Variants in EVI5 observed in about 807,000 individuals in gnomAD.
The protein encoded by EVI5 is ecotropic viral integration site 5, also known as ecotropic viral integration site 5 protein homolog.
EVI5 carries 73 observed loss-of-function variants against 112.0 expected under a neutral mutation model. The observed-to-expected ratio is 0.65, with a 90% CI of 0.54 to 0.79. The LOEUF (loss-of-function observed/expected upper bound fraction) is 0.79, where lower values mean the gene tolerates loss of function less well. Among genes scored for constraint, EVI5 ranks in the 30% least tolerant of loss-of-function variants. EVI5 has a pLI of 0.00. For synonymous variants in EVI5, 305 were observed against 319.9 expected (o/e 0.95, Z 0.50); for missense variants, 900 against 968.8 (o/e 0.93, Z 0.94).
intron 18 of EVI5, among the ~76,000 whole-genome samples, chr1:92,602,432 G>A (rs1649379460): frequency 6.6e-6 from 1 of 152,082 alleles, no homozygotes; most frequent in Admixed American, 6.6e-5. Flanking sequence ...GTCTCATTCT[G>A]TCACTCAGAT....
chr1:92,578,950 T>C (rs534821708), intron 18 of EVI5, among the ~76,000 whole-genome samples: 9 of 152,260 alleles, frequency 5.9e-5, no homozygotes, highest in African/African-American at 2.2e-4. Flanking sequence ...TGGGCTCAAG[T>C]GATCCTCCTG....
At chr1:92,574,250 G>C (rs1670710673) in intron 18 of EVI5, among the ~76,000 whole-genome samples, 1 of 152,126 alleles carries the variant, frequency 6.6e-6, no homozygotes, top group South Asian at 2.1e-4. Context: ...TATTCTGTTT[G>C]TTGAAAAATC....
intron 19 of EVI5, among the ~76,000 whole-genome samples, chr1:92,561,421 A>C (rs2100871439): frequency 6.6e-6 from 1 of 152,286 alleles, no homozygotes; most frequent in Non-Finnish European, 1.5e-5. Flanking sequence ...TAACAGTAGA[A>C]AATTCTACTC....
intron 2 of EVI5, among the ~76,000 whole-genome samples, chr1:92,717,961 A>G (rs1002247439): frequency 6.6e-6 from 1 of 152,212 alleles, no homozygotes; most frequent in African/African-American, 2.4e-5. Context: ...AGGCCACTAC[A>G]TAATGGTAAA....
chr1:92,586,458 T>C (rs1014381385), intron 18 of EVI5, among the ~76,000 whole-genome samples: 2 of 152,204 alleles, frequency 1.3e-5, no homozygotes, highest in Non-Finnish European at 1.5e-5. Context: ...TGGGTTATTA[T>C]ACTTTGGCTT....
intron 19 of EVI5, 152 bp from the exon 20 acceptor site, chr1:92,514,122 T>C: frequency 2.7e-6 from 1 of 365,922 alleles, no homozygotes; most frequent in Non-Finnish European, 4.4e-6. Flanking sequence ...GCCTTCTATG[T>C]GTTATATATA....
intron 14 of EVI5, among the ~76,000 whole-genome samples, chr1:92,632,496 T>C (rs567795910): frequency 8.1e-4 from 124 of 152,320 alleles, no homozygotes; most frequent in African/African-American, 2.7e-3. Flanking sequence ...TGATGGTAGT[T>C]TGTATTTCTG....
At chr1:92,641,077 G>T (rs971082714) in intron 13 of EVI5, among the ~76,000 whole-genome samples, 6 of 152,104 alleles carry the variant, frequency 3.9e-5, no homozygotes, top group Non-Finnish European at 7.4e-5. Context: ...TGGGGGTTGA[G>T]GGAGAAGAGG....
chr1:92,752,015 T>TA (rs1301477676), intron 1 of EVI5, among the ~76,000 whole-genome samples: 2 of 152,010 alleles, frequency 1.3e-5, no homozygotes, highest in Non-Finnish European at 2.9e-5. Flanking sequence ...CACCCTGTCT[T>TA]AAAAAAATAA....
intron 19 of EVI5, among the ~76,000 whole-genome samples, chr1:92,521,841 T>C (rs1049554429): frequency 2.8e-4 from 43 of 152,174 alleles, no homozygotes; most frequent in African/African-American, 7.5e-4. Flanking sequence ...AAAATGGTCT[T>C]CCATATAATT....
At chr1:92,669,204 ATTC>A (rs1665423823) in intron 10 of EVI5, among the ~76,000 whole-genome samples, 2 of 152,172 alleles carry the variant, frequency 1.3e-5, no homozygotes, top group Non-Finnish European at 1.5e-5. Context: ...TTTTAGAATT[ATTC>A]TTAAGATTTT....
chr1:92,671,634 C>T (rs1665893784), intron 10 of EVI5, among the ~76,000 whole-genome samples: 1 of 152,090 alleles, frequency 6.6e-6, no homozygotes, highest in South Asian at 2.1e-4. Context: ...AAACCAAATC[C>T]TTCTGGAGTC....
chr1:92,783,736 C>T (rs992466231), intron 1 of EVI5, among the ~76,000 whole-genome samples: 5 of 146,558 alleles, frequency 3.4e-5, no homozygotes, highest in African/African-American at 1.3e-4. Flanking sequence ...TGCTTAAACG[C>T]AGGAGGTGGA....
At chr1:92,787,768 G>A (rs1371762432), upstream of EVI5, among the ~76,000 whole-genome samples, 8 of 151,810 alleles carry the variant, frequency 5.3e-5, no homozygotes, top group Admixed American at 5.3e-4. Context: ...GAGAAAGAGA[G>A]AGGAAGACTG....
chr1:92,641,079 G>A (rs1002963641), intron 13 of EVI5, among the ~76,000 whole-genome samples: 1 of 152,106 alleles, frequency 6.6e-6, no homozygotes, highest in Non-Finnish European at 1.5e-5. Context: ...GGGGTTGAGG[G>A]AGAAGAGGGA....
chr1:92,711,156 GA>G (rs1672793119), intron 2 of EVI5, among the ~76,000 whole-genome samples: 1 of 152,172 alleles, frequency 6.6e-6, no homozygotes, highest in Non-Finnish European at 1.5e-5. Flanking sequence ...GGAGGAAAGG[GA>G]AAAGAATGAG....
intron 18 of EVI5, among the ~76,000 whole-genome samples, 183 bp downstream of exon 18, chr1:92,605,124 C>A (rs1345779662): frequency 1.3e-5 from 2 of 151,676 alleles, no homozygotes; most frequent in Non-Finnish European, 2.9e-5. Flanking sequence ...CTTAATGCTG[C>A]AGAACTGTAT....
intron 9 of EVI5, among the ~76,000 whole-genome samples, chr1:92,681,217 G>T (rs906150350): frequency 2.6e-5 from 4 of 152,100 alleles, no homozygotes; most frequent in African/African-American, 9.7e-5. Flanking sequence ...TTATGTTAAA[G>T]GAGAGAAAAG....
chr1:92,775,179 G>A (rs141238953), intron 1 of EVI5, among the ~76,000 whole-genome samples: 2 of 152,306 alleles, frequency 1.3e-5, no homozygotes, highest in African/African-American at 2.4e-5. Flanking sequence ...TGTAATCCCA[G>A]CACTTTGGGA....
Sources: gnomAD v4.1 joint callset for allele counts (sites outside exome capture counted in the v4.1 genomes callset) on GRCh38, gnomAD v4.1.1 for gene constraint, MANE v1.5 for transcripts, NCBI Gene and HGNC (gene_info 2026-07-23, HGNC 2026-07-21) for gene names.